FARSB: variants seen among roughly 807,000 people sequenced by gnomAD.
FARSB encodes phenylalanyl-tRNA synthetase subunit beta.
A neutral mutation model predicts 69.6 loss-of-function variants in FARSB; 40 were observed. That is an observed-to-expected ratio of 0.57 (90% CI 0.45 to 0.75). FARSB has a LOEUF of 0.75. FARSB is among the 30% of genes least tolerant of loss of function. The pLI, the probability that FARSB is intolerant of heterozygous loss-of-function variation, is 0.00. For missense variants in FARSB, 632 were observed against 722.9 expected, an observed-to-expected ratio of 0.87 and a Z score of 1.44; for synonymous variants, 235 against 247.2, an observed-to-expected ratio of 0.95 and a Z score of 0.46.
intron 12 of FARSB, among the ~76,000 whole-genome samples, 172 bp downstream of exon 12, chr2:222,624,100 T>TA (rs1310417499): frequency 2.0e-5 from 3 of 152,206 alleles, no homozygotes; most frequent in African/African-American, 7.2e-5. Context: ...GTTTTCAACT[T>TA]ACTCTAATCA....
chr2:222,572,814 T>C (rs1411974055), intron 16 of FARSB, among the ~76,000 whole-genome samples: 6 of 152,148 alleles, frequency 3.9e-5, no homozygotes, highest in Non-Finnish European at 8.8e-5. Flanking sequence ...AATGAACATA[T>C]GGGCCCACTC....
At chr2:222,630,035 C>T in intron 9 of FARSB, 78 bp downstream of exon 9, 2 of 874,478 alleles carry the variant, frequency 2.3e-6, no homozygotes, top group Non-Finnish European at 3.7e-6. Flanking sequence ...GCCACCGCAC[C>T]TGGCCTATCT....
At chr2:222,586,900 T>C (rs986952541) in intron 16 of FARSB, among the ~76,000 whole-genome samples, 10 of 152,082 alleles carry the variant, frequency 6.6e-5, no homozygotes, top group Non-Finnish European at 1.2e-4. Context: ...TCCCACACAA[T>C]AATAATGGGA....
chr2:222,645,356 C>T (rs552012053), intron 2 of FARSB, among the ~76,000 whole-genome samples: 12 of 152,194 alleles, frequency 7.9e-5, no homozygotes, highest in Non-Finnish European at 1.2e-4. Flanking sequence ...AGTAAAATTA[C>T]GAATAGCAAC....
chr2:222,608,680 G>A (rs1690768228), intron 15 of FARSB, among the ~76,000 whole-genome samples: 1 of 152,162 alleles, frequency 6.6e-6, no homozygotes. Flanking sequence ...ATTTAGAAAA[G>A]TTTCAGGGAA....
At chr2:222,573,929 T>G (rs1192300834) in intron 16 of FARSB, among the ~76,000 whole-genome samples, 1 of 152,208 alleles carries the variant, frequency 6.6e-6, no homozygotes, top group African/African-American at 2.4e-5. Context: ...AAAGGCAATG[T>G]TCAGGATCTT....
intron 14 of FARSB, among the ~76,000 whole-genome samples, chr2:222,614,839 CAAAT>C (rs1306599207): frequency 6.6e-6 from 1 of 151,844 alleles, no homozygotes. Context: ...TGTCTCTAAA[CAAAT>C]AAATAAATAA....
intron 16 of FARSB, among the ~76,000 whole-genome samples, chr2:222,587,137 C>A (rs1305729080): frequency 1.3e-5 from 2 of 152,142 alleles, no homozygotes; most frequent in Non-Finnish European, 2.9e-5. Flanking sequence ...TGTAAAAGAA[C>A]AGAAATTATA....
chr2:222,608,743 G>A (rs1439124748), intron 15 of FARSB, among the ~76,000 whole-genome samples: 2 of 152,214 alleles, frequency 1.3e-5, no homozygotes, highest in Non-Finnish European at 1.5e-5. Flanking sequence ...TAGAGGAAAT[G>A]TAGCTTGCAC....
intron 2 of FARSB, chr2:222,644,659 C>G: frequency 3.0e-6 from 1 of 338,098 alleles, no homozygotes; most frequent in Non-Finnish European, 6.1e-6. Context: ...GGATATGTTT[C>G]AAGCTCCCCA....
At chr2:222,573,222 C>A (rs1689757250) in intron 16 of FARSB, among the ~76,000 whole-genome samples, 1 of 152,076 alleles carries the variant, frequency 6.6e-6, no homozygotes, top group South Asian at 2.1e-4. Context: ...GTTTATATTT[C>A]TGGGGAAAGA....
intron 16 of FARSB, among the ~76,000 whole-genome samples, chr2:222,578,864 C>A (rs1689900713): frequency 6.6e-6 from 1 of 151,888 alleles, no homozygotes; most frequent in Non-Finnish European, 1.5e-5. Context: ...CGCCTGTAGT[C>A]CCAGCTACTC....
chr2:222,619,723 A>G lies in FARSB; in HGVS notation c.1266T>C (p.Asp422=). The change falls in exon 14 of 17, where the codon GAT becomes GAC. Residue 422 remains aspartate, a synonymous_variant. Transcript: ENST00000281828. ...ALTFALCSQE[D]IADKLGVDIS... is the part of the protein sequence containing the mutation. ...TATCCACACCTAGTTTATCAGCAAT[A>G]TCTTCTTGGGAGCACTGTGAAGTAC... 1 of 1,595,236 alleles carries G rather than the reference A, an allele frequency of 6.3e-7. No homozygotes were observed. The highest frequency in any genetic ancestry group is 8.6e-7 in the Non-Finnish European group (1 of 1,163,722).
intron 8 of FARSB, among the ~76,000 whole-genome samples, chr2:222,630,524 C>T (rs1008112384): frequency 1.3e-5 from 2 of 152,176 alleles, no homozygotes; most frequent in African/African-American, 4.8e-5. Context: ...AATCCTGGCT[C>T]AAGCACTTAT....
At chr2:222,588,747 A>ACTCC (rs200226417) in intron 16 of FARSB, among the ~76,000 whole-genome samples, 2,396 of 152,266 alleles carry the variant, frequency 0.016, 21 homozygotes, top group Admixed American at 0.023. Context: ...TCGTGAGTGA[A>ACTCC]CTCCCATTCA....
chr2:222,649,094 C>T (rs1325440276), intron 1 of FARSB, among the ~76,000 whole-genome samples: 3 of 151,794 alleles, frequency 2.0e-5, no homozygotes, highest in Admixed American at 6.6e-5. Flanking sequence ...GGCATGGTGG[C>T]GCATGCCTGT....
Position 222,624,261 on chromosome 2 carries a change from T to G in FARSB, c.1170+11A>C, listed in dbSNP as rs1230560976. ...ACAATAAGGAGTGTTTATTTAAGGG[T>G]GCAATCTTACTTGATTAGCTATGGT... On this transcript the variant is annotated intron_variant, in intron 12 of 16. Coordinates refer to ENST00000281828, the MANE Select transcript of FARSB (RefSeq NM_005687.5). The G allele has an allele frequency of 6.5e-7, 1 of 1,548,652 alleles. No homozygotes were observed. The highest frequency in any genetic ancestry group is 1.7e-5 in the Admixed American group (1 of 59,954).
intron 11 of FARSB, 96 bp from the exon 12 acceptor site, chr2:222,624,575 T>G (rs1451136906): frequency 1.0e-6 from 1 of 956,520 alleles, no homozygotes; most frequent in Non-Finnish European, 1.6e-6. Context: ...AACAGTAACC[T>G]TTCTTTTTGA....
At chr2:222,607,399 A>G (rs1430226077) in intron 15 of FARSB, among the ~76,000 whole-genome samples, 2 of 152,196 alleles carry the variant, frequency 1.3e-5, no homozygotes, top group African/African-American at 4.8e-5. Flanking sequence ...ATCTAAGCAA[A>G]TAAATTATAG....
Sources: allele counts gnomAD v4.1 joint callset (sites outside exome capture counted in the v4.1 genomes callset), GRCh38; gene constraint gnomAD v4.1.1; transcripts MANE v1.5; gene names NCBI Gene and HGNC (gene_info 2026-07-23, HGNC 2026-07-21).